Variants in PCGF3 observed in about 807,000 individuals in gnomAD.
The protein encoded by PCGF3 is polycomb group RING finger protein 3.
PCGF3 carries 7 observed loss-of-function variants against 33.1 expected under a neutral mutation model. The ratio of observed to expected loss-of-function variants is 0.21; its 90% CI spans 0.12 to 0.40. The LOEUF is 0.40. Among genes scored for constraint, PCGF3 ranks in the 10% least tolerant of loss-of-function variants. The pLI is 1.00. For synonymous variants in PCGF3, 153 were observed against 121.3 expected (o/e 1.26, Z -1.72); for missense variants, 211 against 313.3 (o/e 0.67, Z 2.46).
At chr4:748,408 C>T (rs900827200) in intron 8 of PCGF3, among the ~76,000 whole-genome samples, 2 of 152,206 alleles carry the variant, frequency 1.3e-5, no homozygotes, top group African/African-American at 4.8e-5. Context: ...CCACGTTGGC[C>T]AGGCTGGTCT....
Position 737,459 on chromosome 4 carries a change from T to G in PCGF3, c.207-7T>G, listed in dbSNP as rs759195917. 1 of 1,598,680 alleles carries G rather than the reference T, an allele frequency of 6.3e-7. No individual in the cohort carries two copies. Among genetic ancestry groups the G allele is most frequent in the South Asian group, 1.1e-5 (1 of 90,648 alleles). ...CAGCTAACTCCACCTTTCTGTTCTT[T>G]TGCCAGTCATGACAGAACCATGCAA... is the stretch of plus-strand genomic sequence containing the variant. On this transcript the variant is annotated splice_region_variant and splice_polypyrimidine_tract_variant and intron_variant, in intron 5 of 10. Coordinates refer to ENST00000362003, the Ensembl canonical transcript of PCGF3.
At chr4:744,642 A>G in exon 8 of PCGF3, 1 of 1,562,080 alleles carries the variant, frequency 6.4e-7, no homozygotes, top group Non-Finnish European at 8.7e-7. Flanking sequence ...GAGGCCGCGG[A>G]GGAGAAGCCG....
intron 8 of PCGF3, among the ~76,000 whole-genome samples, chr4:754,233 C>T (rs1278595742): frequency 6.6e-6 from 1 of 152,218 alleles, no homozygotes; most frequent in African/African-American, 2.4e-5. Context: ...CCTCCAGAGG[C>T]TCCAATGGCT....
intron 9 of PCGF3, chr4:762,697 T>A (rs1053309140): frequency 3.9e-5 from 6 of 152,300 alleles, no homozygotes; most frequent in Non-Finnish European, 5.9e-5. Context: ...TGTGTGGTGT[T>A]CTGTGGCAGC....
At chr4:713,549 A>AGGGCTGTGGCCTGGGGG in intron 1 of PCGF3, among the ~76,000 whole-genome samples, 1 of 128,880 alleles carries the variant, frequency 7.8e-6, no homozygotes, top group South Asian at 2.5e-4. Context: ...TGGCCTCGTC[A>AGGGCTGTGGCCTGGGGG]GGGCTGTGGC....
chr4:713,941 GA>G (rs201792201), intron 1 of PCGF3, among the ~76,000 whole-genome samples: 2 of 152,046 alleles, frequency 1.3e-5, no homozygotes, highest in Admixed American at 6.6e-5. Flanking sequence ...TTTTTGTTAA[GA>G]AAAAAAATCG....
chr4:765,256 A>T (rs1179749050), intron 10 of PCGF3, among the ~76,000 whole-genome samples, 192 bp downstream of exon 10: 1 of 152,178 alleles, frequency 6.6e-6, no homozygotes, highest in Non-Finnish European at 1.5e-5. Flanking sequence ...ACATGGTGAA[A>T]CCCAATCTCT....
chr4:757,760 T>C (rs186216145), intron 8 of PCGF3: 3 of 152,374 alleles, frequency 2.0e-5, no homozygotes, highest in Admixed American at 2.0e-4. Flanking sequence ...CCCTGTTGTC[T>C]AGTGAATTAG....
In PCGF3 at chr4:731,103, T is replaced by C. The variant is rs1743535950; in HGVS notation, c.-17T>C. The C allele has an allele frequency of 1.0e-5, 4 of 398,456 alleles. No homozygotes were observed. In the East Asian group the frequency reaches 1.4e-4, roughly 14 times the overall value. 24.7% of individuals were successfully genotyped at this position (398,456 alleles called of 1,614,324 possible). On this transcript the variant is annotated 5_prime_UTR_variant, in exon 3 of 11. The change abolishes the stop of an existing upstream ORF in the 5' untranslated region. Transcript: ENST00000362003. Reference sequence around the variant, plus strand: ...GCAGAGGGACGGACACGCGGACGTCTAGCGGAGGTGAGGCCCACGCCCCCC... The same window carrying C: ...GCAGAGGGACGGACACGCGGACGTCCAGCGGAGGTGAGGCCCACGCCCCCC...
chr4:711,184 C>T (rs533614931), intron 1 of PCGF3, among the ~76,000 whole-genome samples: 1 of 152,352 alleles, frequency 6.6e-6, no homozygotes, highest in South Asian at 2.1e-4. Context: ...GTTCTGGACT[C>T]TGGAGACCTC....
At chr4:723,582 C>A (rs1439930912) in intron 1 of PCGF3, 1 of 154,482 alleles carries the variant, frequency 6.5e-6, no homozygotes, top group Admixed American at 6.5e-5. Context: ...GGGTTCCAGA[C>A]GGTGCGGGGG....
intron 1 of PCGF3, among the ~76,000 whole-genome samples, chr4:727,289 T>A (rs746014630): frequency 1.5e-4 from 20 of 131,586 alleles, no homozygotes; most frequent in Non-Finnish European, 2.7e-4. Flanking sequence ...TTCCCCAGGC[T>A]GGAGTGCAAG....
chr4:760,375 A>ATT (rs71166831), intron 8 of PCGF3, among the ~76,000 whole-genome samples: 25 of 151,404 alleles, frequency 1.7e-4, no homozygotes, highest in African/African-American at 4.4e-4. Context: ...CCTCAAGTGA[A>ATT]TTTTTTTTTA....
At chr4:761,976 A>G (rs1304084009) in intron 9 of PCGF3, 2 of 985,208 alleles carry the variant, frequency 2.0e-6, no homozygotes, top group Admixed American at 1.2e-4. Flanking sequence ...GTTTTTGAAA[A>G]TCGCTCAGGC....
At chr4:763,101 G>T (rs958291302) in intron 9 of PCGF3, among the ~76,000 whole-genome samples, 1 of 152,112 alleles carries the variant, frequency 6.6e-6, no homozygotes, top group African/African-American at 2.4e-5. Flanking sequence ...CACTGAGCAC[G>T]GGCTGCCTGG....
At chr4:761,801 G>A (rs1745074166) in intron 9 of PCGF3, 2 of 985,338 alleles carry the variant, frequency 2.0e-6, no homozygotes, top group South Asian at 4.7e-5. Flanking sequence ...AAGGAGTGCT[G>A]GCATGAGGCG....
chr4:760,678 C>T lies in PCGF3; in HGVS notation c.463-601C>T, dbSNP rs1055615289. On this transcript the variant is annotated intron_variant, in intron 8 of 10. Coordinates refer to ENST00000362003, the Ensembl canonical transcript of PCGF3. Reference sequence around the variant, plus strand: ...CGTCGCCCTTCCTTGTCAGGCACATCTTGGGGGCCAAGCCGGCCGGGCCCT... The same window carrying T: ...CGTCGCCCTTCCTTGTCAGGCACATTTTGGGGGCCAAGCCGGCCGGGCCCT... Among the ~76,000 whole-genome samples the T allele has an allele frequency of 1.1e-4, 16 of 152,362 alleles. 2 individuals are homozygous for T. The highest frequency in any genetic ancestry group is 1.9e-4 in the East Asian group (1 of 5,188).
chr4:733,386 C>T (rs949625363), intron 3 of PCGF3, among the ~76,000 whole-genome samples: 1 of 152,228 alleles, frequency 6.6e-6, no homozygotes, highest in Non-Finnish European at 1.5e-5. Flanking sequence ...GGACCCTCCT[C>T]AGTCCTCACT....
At chr4:733,849 A>G in intron 4 of PCGF3, 60 bp downstream of exon 4, 4 of 1,612,896 alleles carry the variant, frequency 2.5e-6, no homozygotes, top group Non-Finnish European at 3.4e-6. Context: ...TGTGCTCTTC[A>G]GAACCTTGGC....
Sources: allele counts gnomAD v4.1 joint callset (sites outside exome capture counted in the v4.1 genomes callset), GRCh38; gene constraint gnomAD v4.1.1; transcripts MANE v1.5; gene names NCBI Gene and HGNC (gene_info 2026-07-23, HGNC 2026-07-21).